ADGB: variants seen among roughly 807,000 people sequenced by gnomAD.
ADGB encodes androglobin, also known as calpain-7-like protein.
In ADGB, 172 loss-of-function variants were observed where a neutral mutation model predicts 210.5. That is an observed-to-expected ratio of 0.82 (90% CI 0.72 to 0.93). The LOEUF is 0.93. Ranked by LOEUF, ADGB falls within the 40% of genes least tolerant of loss-of-function variation. The probability of loss-of-function intolerance (pLI) is 0.00; values close to 1 mark genes in which losing one functional copy is unlikely to be tolerated. For synonymous variants in ADGB, 658 were observed against 662.7 expected (o/e 0.99, Z 0.11); for missense variants, 2,025 against 1,964.8 (o/e 1.03, Z -0.58).
At chr6:146,755,693 C>G (rs1457154039) in intron 27 of ADGB, among the ~76,000 whole-genome samples, 4 of 151,992 alleles carry the variant, frequency 2.6e-5, no homozygotes, top group African/African-American at 4.8e-5. Context: ...ATTCTTGTCT[C>G]TAAAATGGGG....
At position 146,785,706 on chromosome 6, in the gene ADGB, GAA is replaced by G; in HGVS notation, c.4310_4311del (p.Glu1437GlyfsTer53). 3 of 1,547,874 alleles carry G rather than the reference GAA, an allele frequency of 1.9e-6. No homozygotes were observed. Among genetic ancestry groups the G allele is most frequent in the East Asian group, 2.4e-5 (1 of 40,894 alleles). ...ATCTGAAAGCCAAACTAAACCAAAA[GAA>G]GAAGGTGAGTGGATCCTACCACCCC... ...PISESQTKPKEEVETAARGVK... is the reference protein window; with the variant it reads ...PISESQTKPKXEVETAARGVK... On this transcript the variant is annotated frameshift_variant, in exon 32 of 36. Transcript: ENST00000397944. LOFTEE classifies it high-confidence loss of function.
chr6:146,640,722 A>G (rs1248532933), intron 2 of ADGB, among the ~76,000 whole-genome samples: 1 of 151,996 alleles, frequency 6.6e-6, no homozygotes, highest in Non-Finnish European at 1.5e-5. Flanking sequence ...CCCTTCATGT[A>G]AAAACCTCTT....
At chr6:146,755,115 A>G (rs1298256592) in intron 27 of ADGB, among the ~76,000 whole-genome samples, 1 of 152,102 alleles carries the variant, frequency 6.6e-6, no homozygotes, top group Admixed American at 6.6e-5. Flanking sequence ...TAAAATAAAC[A>G]TAAAACAACC....
intron 5 of ADGB, among the ~76,000 whole-genome samples, chr6:146,661,469 C>T (rs539690640): frequency 5.9e-5 from 9 of 152,010 alleles, no homozygotes; most frequent in Admixed American, 3.3e-4. Flanking sequence ...CCTCCTGTCT[C>T]GGCCTCCCAA....
At chr6:146,687,538 A>C in intron 10 of ADGB, among the ~76,000 whole-genome samples, 1 of 152,026 alleles carries the variant, frequency 6.6e-6, no homozygotes, top group Non-Finnish European at 1.5e-5. Flanking sequence ...GCAAACTAAC[A>C]CAAGAACAGA....
chr6:146,616,056 A>G (rs1429219303), intron 1 of ADGB, among the ~76,000 whole-genome samples: 1 of 152,068 alleles, frequency 6.6e-6, no homozygotes, highest in African/African-American at 2.4e-5. Context: ...CCTCTTTCTC[A>G]GCATTATTGC....
At chr6:146,651,969 A>G (rs1775709750) in intron 3 of ADGB, among the ~76,000 whole-genome samples, 1 of 152,182 alleles carries the variant, frequency 6.6e-6, no homozygotes, top group South Asian at 2.1e-4. Context: ...CCTTCCAACC[A>G]AAAAGGTTAA....
At chr6:146,706,682 T>C (rs922832039) in intron 13 of ADGB, among the ~76,000 whole-genome samples, 2 of 152,134 alleles carry the variant, frequency 1.3e-5, no homozygotes, top group Admixed American at 6.6e-5. Flanking sequence ...GGTTGTCATA[T>C]AATTATACAT....
At position 146,630,517 on chromosome 6, in the gene ADGB, G is replaced by C. The variant is rs7755908; in HGVS notation, c.75-4858G>C. 6.7e-3 allele frequency among the ~76,000 whole-genome samples: 1,016 copies of C among 152,180 alleles called. 7 individuals carry two copies. The highest frequency in any genetic ancestry group is 0.022 in the African/African-American group (904 of 41,510). On this transcript the variant is annotated intron_variant, in intron 1 of 35. Coordinates refer to ENST00000397944, the MANE Select transcript of ADGB (RefSeq NM_024694.4). The stretch of plus-strand genomic sequence containing the variant: ...GTGCTCAGGACTTAGAGGCCAGCCT[G>C]GGCAACATAGTGAGACCCTGCTTCT...
intron 27 of ADGB, among the ~76,000 whole-genome samples, chr6:146,755,291 A>T (rs565144228): frequency 6.6e-6 from 1 of 152,126 alleles, no homozygotes; most frequent in East Asian, 1.9e-4. Flanking sequence ...CTACACAATG[A>T]TATATGGACT....
chr6:146,735,376 C>T (rs1018284139), intron 22 of ADGB, among the ~76,000 whole-genome samples: 10 of 151,670 alleles, frequency 6.6e-5, no homozygotes, highest in African/African-American at 1.5e-4. Flanking sequence ...GGTGGCAGGG[C>T]GAGAGAGCAC....
At chr6:146,791,103 A>G (rs1378209434) in intron 33 of ADGB, among the ~76,000 whole-genome samples, 3 of 152,112 alleles carry the variant, frequency 2.0e-5, no homozygotes, top group Admixed American at 6.5e-5. Context: ...CCTCTTATCC[A>G]ATGTATGGTT....
chr6:146,766,792 G>A lies in ADGB; in HGVS notation c.3751-2228G>A, dbSNP rs369264052. 1.3e-4 allele frequency among the ~76,000 whole-genome samples: 20 copies of A among 152,020 alleles called. No homozygotes were observed. In the East Asian group the frequency reaches 2.7e-3, roughly 21 times the overall value. ...AACCAGATAAAGGTAACACAAAAAG[G>A]AATAAAATGTATTTATAAACATAGG... On this transcript the variant is annotated intron_variant, in intron 28 of 35. Transcript: ENST00000397944.
chr6:146,698,086 G>T (rs1431838838), intron 12 of ADGB, among the ~76,000 whole-genome samples: 1 of 152,188 alleles, frequency 6.6e-6, no homozygotes, highest in Non-Finnish European at 1.5e-5. Flanking sequence ...TATCTGTGGT[G>T]AGGAGAGTTG....
At position 146,623,433 on chromosome 6, in the gene ADGB, T is replaced by A. The variant is rs1334551338; in HGVS notation, c.75-11942T>A. Among the ~76,000 whole-genome samples the A allele has an allele frequency of 2.6e-5, 4 of 151,942 alleles. 1 individual carries two copies. The highest frequency in any genetic ancestry group is 5.9e-5 in the Non-Finnish European group (4 of 67,852). On this transcript the variant is annotated intron_variant, in intron 1 of 35. Transcript: ENST00000397944. ...CTTGAGCAACAAATATGACATCTAT[T>A]CCCAAGGATCTCTTATCTTTATATT...
intron 5 of ADGB, among the ~76,000 whole-genome samples, chr6:146,663,249 G>C (rs978252897): frequency 6.9e-6 from 1 of 145,522 alleles, no homozygotes; most frequent in South Asian, 2.2e-4. Flanking sequence ...TATTAGTCTT[G>C]TAACAACTAA....
chr6:146,605,932 A>G (rs967539257), intron 1 of ADGB, among the ~76,000 whole-genome samples: 22 of 152,176 alleles, frequency 1.4e-4, no homozygotes, highest in Non-Finnish European at 2.9e-4. Flanking sequence ...TCCTTTGGGT[A>G]TATACCCAGG....
intron 6 of ADGB, among the ~76,000 whole-genome samples, chr6:146,664,913 T>A (rs1230042648): frequency 6.6e-6 from 1 of 152,042 alleles, no homozygotes; most frequent in African/African-American, 2.4e-5. Flanking sequence ...CACCAACATA[T>A]ATGAGACACA....
At chr6:146,651,652 G>C (rs1199176645) in intron 3 of ADGB, among the ~76,000 whole-genome samples, 1 of 152,128 alleles carries the variant, frequency 6.6e-6, no homozygotes, top group Non-Finnish European at 1.5e-5. Flanking sequence ...ACTTTGGCCT[G>C]ATAATGGTAG....
Sources: gnomAD v4.1 joint callset for allele counts (sites outside exome capture counted in the v4.1 genomes callset) on GRCh38, gnomAD v4.1.1 for gene constraint, MANE v1.5 for transcripts, NCBI Gene and HGNC (gene_info 2026-07-23, HGNC 2026-07-21) for gene names.